ADORA2B: variants seen among roughly 807,000 people sequenced by gnomAD.
ADORA2B encodes the protein adenosine A2b receptor.
In ADORA2B, 18 loss-of-function variants were observed where a neutral mutation model predicts 20.8. That is an observed-to-expected ratio of 0.87 (90% CI 0.60 to 1.29). The LOEUF (loss-of-function observed/expected upper bound fraction) is 1.29. ADORA2B is among the 50% of genes most tolerant of loss of function. ADORA2B has a pLI of 0.00. For missense variants in ADORA2B, 441 were observed against 422.7 expected (o/e 1.04, Z -0.38); for synonymous variants, 179 against 178.3 (o/e 1.00, Z -0.03).
chr17:15,938,981 A>G, the ADORA2B span, among the ~76,000 whole-genome samples: 1 of 152,192 alleles, frequency 6.6e-6, no homozygotes, highest in African/African-American at 2.4e-5. Context: ...ATGTATATCA[A>G]ATATCTCTCC....
the ADORA2B span, among the ~76,000 whole-genome samples, chr17:15,874,064 G>GTATATATA: frequency 0.039 from 5,663 of 144,604 alleles, 319 homozygotes; most frequent in African/African-American, 0.11. Flanking sequence ...ATATATGTGT[G>GTATATATA]TGTGTATATA....
At chr17:15,887,186 G>A in the ADORA2B span, among the ~76,000 whole-genome samples, 4 of 130,268 alleles carry the variant, frequency 3.1e-5, 2 homozygotes, top group African/African-American at 1.3e-4. Context: ...GGACGCAGCC[G>A]TCCTCTTGCC....
the ADORA2B span, among the ~76,000 whole-genome samples, chr17:15,860,470 C>G: frequency 6.7e-6 from 1 of 148,384 alleles, no homozygotes; most frequent in African/African-American, 2.4e-5. Flanking sequence ...GCCACTCTGT[C>G]TCTCTCTCTC....
At chr17:15,853,318 CAG>C in the ADORA2B span, among the ~76,000 whole-genome samples, 1 of 152,106 alleles carries the variant, frequency 6.6e-6, no homozygotes. Flanking sequence ...ACAACAAAAA[CAG>C]ATTTCTTTTT....
At chr17:15,926,357 A>C in the ADORA2B span, among the ~76,000 whole-genome samples, 2 of 151,980 alleles carry the variant, frequency 1.3e-5, no homozygotes, top group African/African-American at 4.8e-5. Flanking sequence ...CAAGCAGAGC[A>C]AGGCAAGGAA....
At chr17:15,943,327 C>G (rs1468015792), upstream of ADORA2B, among the ~76,000 whole-genome samples, 1 of 152,024 alleles carries the variant, frequency 6.6e-6, no homozygotes, top group East Asian at 1.9e-4. Flanking sequence ...TTTTCTTCTT[C>G]TTGTCTTTTT....
the ADORA2B span, among the ~76,000 whole-genome samples, chr17:15,858,576 C>CAATATTTGAATAA: frequency 6.6e-6 from 1 of 152,250 alleles, no homozygotes; most frequent in East Asian, 1.9e-4. Flanking sequence ...GCATATATTA[C>CAATATTTGAATAA]CTATTTGAAT....
At chr17:15,908,821 G>C in the ADORA2B span, among the ~76,000 whole-genome samples, 1 of 152,154 alleles carries the variant, frequency 6.6e-6, no homozygotes, top group Admixed American at 6.5e-5. Flanking sequence ...AACACAGCTA[G>C]AGTGTAAATT....
chr17:15,890,460 T>A, the ADORA2B span, among the ~76,000 whole-genome samples: 48 of 83,344 alleles, frequency 5.8e-4, 10 homozygotes, highest in Middle Eastern at 0.025. Flanking sequence ...CATTCCTTTC[T>A]TTTATTTATT....
chr17:15,969,220 G>A (rs1282681004), intron 1 of ADORA2B, among the ~76,000 whole-genome samples: 1 of 152,146 alleles, frequency 6.6e-6, no homozygotes, highest in Non-Finnish European at 1.5e-5. Flanking sequence ...GGAGGCTGAG[G>A]TGGGCGGATC....
chr17:15,962,501 A>G (rs1266876795), intron 1 of ADORA2B, among the ~76,000 whole-genome samples: 1 of 151,654 alleles, frequency 6.6e-6, no homozygotes, highest in Non-Finnish European at 1.5e-5. Context: ...ACGAGTTATA[A>G]TCCATTCCTG....
the ADORA2B span, among the ~76,000 whole-genome samples, chr17:15,860,531 C>A: frequency 6.6e-6 from 1 of 151,982 alleles, no homozygotes; most frequent in Admixed American, 6.6e-5. Flanking sequence ...TAATGTCTTT[C>A]CCCAGGTAAG....
rs750279040 is a variant in ADORA2B, at chr17:15,974,863, G to C, written c.520G>C (p.Glu174Gln). The change falls in exon 2 of 2, where the codon GAG (glutamate) becomes CAG (glutamine). Residue 174 changes from glutamate (E) to glutamine (Q), a missense_variant. Glu to Gln is a conservative substitution (Grantham distance 29). Transcript: ENST00000304222. ...ESCCLVKCLF[E>Q]NVVPMSYMVY... ...CTGCTGCCTTGTGAAGTGTCTCTTT[G>C]AGAATGTGGTCCCCATGAGCTACAT... 2.0e-5 allele frequency: 32 copies of C among 1,614,036 alleles called. No homozygotes were observed. The South Asian group carries it at 3.3e-4, about 17-fold the overall frequency.
chr17:15,917,817 G>C, the ADORA2B span, among the ~76,000 whole-genome samples: 12 of 152,332 alleles, frequency 7.9e-5, no homozygotes, highest in East Asian at 2.3e-3. Flanking sequence ...CCGCCTACTC[G>C]GCTCCTTGGC....
At chr17:15,891,274 A>G in the ADORA2B span, among the ~76,000 whole-genome samples, 1 of 148,860 alleles carries the variant, frequency 6.7e-6, no homozygotes, top group African/African-American at 2.5e-5. Context: ...CTCAAAATAG[A>G]TAAATAAATA....
At chr17:15,898,687 CT>C in the ADORA2B span, among the ~76,000 whole-genome samples, 9 of 151,930 alleles carry the variant, frequency 5.9e-5, no homozygotes, top group Non-Finnish European at 1.3e-4. Context: ...AATTTATTGT[CT>C]TTGTCTTAAG....
the ADORA2B span, among the ~76,000 whole-genome samples, chr17:15,882,013 C>T: frequency 1.6e-4 from 25 of 152,302 alleles, no homozygotes; most frequent in East Asian, 1.9e-3. Flanking sequence ...AGGCATGGAA[C>T]GCAGCTCCCC....
intron 1 of ADORA2B, among the ~76,000 whole-genome samples, chr17:15,967,576 G>T (rs1373665227): frequency 6.6e-6 from 1 of 152,142 alleles, no homozygotes; most frequent in Non-Finnish European, 1.5e-5. Context: ...GAAGGTGGAG[G>T]ATGCAGGGGC....
At chr17:15,861,263 A>G in the ADORA2B span, among the ~76,000 whole-genome samples, 14,258 of 152,194 alleles carry the variant, frequency 0.094, 1,914 homozygotes, top group African/African-American at 0.29. Context: ...GGCATAAGAA[A>G]TGTAGAGAGA....
Sources: allele counts gnomAD v4.1 joint callset (sites outside exome capture counted in the v4.1 genomes callset), GRCh38; gene constraint gnomAD v4.1.1; transcripts MANE v1.5; gene names NCBI Gene and HGNC (gene_info 2026-07-23, HGNC 2026-07-21).